The following DSE variants were observed in gnomAD, a reference collection of about 807,000 sequenced individuals.
DSE encodes dermatan sulfate epimerase.
A neutral mutation model predicts 84.4 loss-of-function variants in DSE; 36 were observed. The ratio of observed to expected loss-of-function variants is 0.43; its 90% CI spans 0.33 to 0.56. The LOEUF (loss-of-function observed/expected upper bound fraction) is 0.56. Ranked by LOEUF, DSE falls within the 20% of genes least tolerant of loss-of-function variation. DSE has a pLI of 0.06. For missense variants in DSE, 862 were observed against 1,169.6 expected (o/e 0.74, Z 3.84); for synonymous variants, 410 against 430.1 (o/e 0.95, Z 0.58).
At chr6:116,374,925 G>T (rs769130415) in intron 1 of DSE, among the ~76,000 whole-genome samples, 29 of 152,164 alleles carry the variant, frequency 1.9e-4, no homozygotes, top group Non-Finnish European at 4.0e-4. Flanking sequence ...GAGTTTTAGA[G>T]GTGGCAGTTA....
chr6:116,405,838 G>A (rs568672552), intron 2 of DSE, among the ~76,000 whole-genome samples: 1 of 152,310 alleles, frequency 6.6e-6, no homozygotes, highest in Non-Finnish European at 1.5e-5. Context: ...CAGGTGTACA[G>A]ATTAGTTGAG....
chr6:116,327,094 T>A (rs200813782), intron 2 of DSE, among the ~76,000 whole-genome samples: 2 of 152,032 alleles, frequency 1.3e-5, no homozygotes, highest in South Asian at 2.1e-4. Context: ...AATTAAGGGG[T>A]CCAAAGATAC....
chr6:116,429,077 T>G (rs1198092669), intron 3 of DSE, among the ~76,000 whole-genome samples: 2 of 152,208 alleles, frequency 1.3e-5, no homozygotes, highest in Admixed American at 6.5e-5. Flanking sequence ...ATCAGTCACA[T>G]TGGTATCTGG....
intron 1 of DSE, among the ~76,000 whole-genome samples, chr6:116,386,047 ACC>A (rs1396473959): frequency 1.3e-5 from 2 of 152,214 alleles, no homozygotes; most frequent in African/African-American, 4.8e-5. Flanking sequence ...CCCTTTGCTT[ACC>A]ATCTGTATGT....
rs908008817 is a variant in DSE at position 116,444,160 on chromosome 6, G to T, written c.*6815G>T. ...ATATATTCAAACCTCCGTATTTTTT[G>T]ATACAAAAAGGACTGATGAAAGGGA... On this transcript the variant is annotated 3_prime_UTR_variant, in exon 6 of 6. Transcript: ENST00000644252. 2.0e-5 allele frequency: 3 copies of T among 152,096 alleles called. No homozygotes were observed. In the South Asian group the frequency reaches 6.2e-4, roughly 32 times the overall value. 9.4% of individuals were successfully genotyped at this position (152,096 alleles called of 1,614,324 possible). A position where few individuals can be genotyped will look rare whatever the true frequency, so the allele number is the denominator to read the frequency against.
intron 2 of DSE, among the ~76,000 whole-genome samples, chr6:116,297,193 A>G (rs1353379359): frequency 1.3e-5 from 2 of 152,070 alleles, no homozygotes; most frequent in Non-Finnish European, 1.5e-5. Flanking sequence ...TTGATACCCT[A>G]GGAGCCATCC....
At chr6:116,334,469 G>A (rs1454384013) in intron 2 of DSE, among the ~76,000 whole-genome samples, 2 of 152,182 alleles carry the variant, frequency 1.3e-5, no homozygotes, top group South Asian at 2.1e-4. Flanking sequence ...TACTGTATTC[G>A]AAAATTTTCT....
At chr6:116,322,556 C>A (rs1163557773) in intron 2 of DSE, among the ~76,000 whole-genome samples, 1 of 151,442 alleles carries the variant, frequency 6.6e-6, no homozygotes, top group Non-Finnish European at 1.5e-5. Context: ...TGCCCCCCCA[C>A]CCCAATTAAA....
chr6:116,432,634 A>C (rs1448553398), intron 4 of DSE: 1 of 149,866 alleles, frequency 6.7e-6, no homozygotes, highest in Non-Finnish European at 1.5e-5. Context: ...TTTTTTCTAC[A>C]GTTGATACTC....
At chr6:116,285,813 C>G (rs1773864747) in intron 2 of DSE, among the ~76,000 whole-genome samples, 1 of 152,136 alleles carries the variant, frequency 6.6e-6, no homozygotes. Flanking sequence ...TCAGCTTTGT[C>G]AAAGATCAGA....
chr6:116,417,739 G>A (rs565729426), intron 2 of DSE, among the ~76,000 whole-genome samples: 2 of 152,184 alleles, frequency 1.3e-5, no homozygotes, highest in Non-Finnish European at 2.9e-5. Flanking sequence ...TTCCCATTCT[G>A]TCATACCGTT....
chr6:116,339,957 T>A (rs1410757912), intron 2 of DSE, among the ~76,000 whole-genome samples: 1 of 152,222 alleles, frequency 6.6e-6, no homozygotes, highest in Non-Finnish European at 1.5e-5. Flanking sequence ...AATTTCTATA[T>A]GCGAGTGTGG....
intron 2 of DSE, among the ~76,000 whole-genome samples, chr6:116,327,008 A>G (rs115144726): frequency 2.9e-4 from 44 of 152,316 alleles, no homozygotes; most frequent in African/African-American, 1.0e-3. Flanking sequence ...GGTCATTTGT[A>G]TGATCTTCAA....
chr6:116,428,486 T>A (rs2115070063), intron 3 of DSE, among the ~76,000 whole-genome samples: 1 of 152,332 alleles, frequency 6.6e-6, no homozygotes, highest in African/African-American at 2.4e-5. Context: ...CCCAAAATAC[T>A]GGTTTGGATT....
At chr6:116,361,720 T>A (rs937574658) in intron 2 of DSE, among the ~76,000 whole-genome samples, 1 of 152,210 alleles carries the variant, frequency 6.6e-6, no homozygotes, top group Non-Finnish European at 1.5e-5. Flanking sequence ...AACTCTTATT[T>A]AGTCTTATCC....
intron 2 of DSE, among the ~76,000 whole-genome samples, chr6:116,344,952 A>C (rs1057077133): frequency 1.3e-5 from 2 of 152,232 alleles, no homozygotes; most frequent in African/African-American, 4.8e-5. Flanking sequence ...AATGGAAGAC[A>C]GAAAAGCAGG....
chr6:116,395,222 G>A (rs192095865), intron 1 of DSE, among the ~76,000 whole-genome samples: 181 of 148,516 alleles, frequency 1.2e-3, no homozygotes, highest in Non-Finnish European at 1.9e-3. Context: ...TCAAGAGAGC[G>A]AGACCATCCT....
intron 2 of DSE, among the ~76,000 whole-genome samples, chr6:116,273,269 T>C (rs1279547711): frequency 3.9e-5 from 6 of 152,218 alleles, no homozygotes; most frequent in African/African-American, 1.2e-4. Flanking sequence ...CATTTCCTTT[T>C]ACCTGTTCTC....
intron 2 of DSE, among the ~76,000 whole-genome samples, chr6:116,408,781 C>A (rs1238277806): frequency 1.3e-5 from 2 of 152,234 alleles, no homozygotes; most frequent in Non-Finnish European, 2.9e-5. Context: ...CTGGCCTTCT[C>A]TCCTCCCTGA....
Sources: gnomAD v4.1 joint callset for allele counts (sites outside exome capture counted in the v4.1 genomes callset) on GRCh38, gnomAD v4.1.1 for gene constraint, MANE v1.5 for transcripts, NCBI Gene and HGNC (gene_info 2026-07-23, HGNC 2026-07-21) for gene names.